TNXB: variants seen among roughly 807,000 people sequenced by gnomAD.
TNXB encodes tenascin-X.
In TNXB, 183 loss-of-function variants were observed where a neutral mutation model predicts 340.5. The ratio of observed to expected loss-of-function variants is 0.54; its 90% confidence interval spans 0.48 to 0.61. The LOEUF (loss-of-function observed/expected upper bound fraction) is 0.61. TNXB is among the 20% of genes least tolerant of loss of function. TNXB has a pLI of 0.00. For missense variants in TNXB, 4,613 were observed against 5,446.4 expected (o/e 0.85, Z 4.82); for synonymous variants, 2,121 against 2,314.5 (o/e 0.92, Z 2.40).
chr6:32,072,330 A>T lies in TNXB; in HGVS notation c.4682-32T>A. ...TTTGGGAAGACAAAGAACATGGTTG[A>T]GATCTCTGAGGGGAGAACCCCTGGG... On this transcript the variant is annotated intron_variant, in intron 12 of 43. Transcript: ENST00000644971. This position sits in a 1 kb window ranked among gnomAD's most constrained non-coding sequence, Gnocchi z 4.4. 1.3e-6 allele frequency: 2 copies of T among 1,561,376 alleles called. No individual in the cohort carries two copies. Among genetic ancestry groups the T allele is most frequent in the Non-Finnish European group, 1.7e-6 (2 of 1,151,420 alleles).
At chr6:32,104,074 A>G (rs1238784362) in intron 1 of TNXB, among the ~76,000 whole-genome samples, 5 of 152,152 alleles carry the variant, frequency 3.3e-5, no homozygotes, top group African/African-American at 9.7e-5. Context: ...CCAATATGGT[A>G]GCCAGGAGGG....
rs921271106 is a variant in TNXB, at chr6:32,083,170, C to G, written c.3446-844G>C. 6.6e-6 allele frequency among the ~76,000 whole-genome samples: 1 copy of G among 152,122 alleles called. No individual in the cohort carries two copies. Among genetic ancestry groups the G allele is most frequent in the Non-Finnish European group, 1.5e-5 (1 of 68,028 alleles). ...TGTTCCGGAATCTGACAAGTCCAAC[C>G]GCACCCTCCTTCCTGGAGTCCAGAC... On this transcript the variant is annotated intron_variant, in intron 8 of 43. Transcript: ENST00000644971. This position sits in a 1 kb window ranked among gnomAD's most constrained non-coding sequence, Gnocchi z 4.6.
chr6:32,081,456 G>T lies in TNXB; in HGVS notation c.3954C>A (p.Gly1318=). The part of the protein sequence containing the change: ...AGDENEVTVP[G]LDPDRKYKMN... ...TCTTATACTTCCGGTCGGGATCCAG[G>T]CCGGGGACAGTAACCTCATTCTCAT... is the stretch of plus-strand genomic sequence containing the variant. Residue 1318 remains glycine, a synonymous_variant, in exon 10 of 44, where the codon GGC becomes GGA. Coordinates refer to ENST00000644971, the MANE Select transcript of TNXB (RefSeq NM_001365276.2). The surrounding 1 kb of genome is among the most constrained non-coding windows in gnomAD (Gnocchi z 5.1). 1 of 1,590,202 alleles carries T rather than the reference G, an allele frequency of 6.3e-7. No homozygotes were observed. Among genetic ancestry groups the T allele is most frequent in the East Asian group, 2.3e-5 (1 of 43,856 alleles).
In TNXB at chr6:32,096,497, G is replaced by A; in HGVS notation, c.1356C>T (p.Cys452=). ...RGRCENGVCV[C]NAGYSGEDCG... ...AGTCCTCGCCGCTGTAGCCCGCATT[G>A]CAAACACACACGCCGTTCTCGCAGC... is the stretch of plus-strand genomic sequence containing the variant. The change falls in exon 3 of 44, where the codon TGC becomes TGT. Residue 452 remains cysteine, a synonymous_variant. Coordinates refer to ENST00000644971, the MANE Select transcript of TNXB (RefSeq NM_001365276.2). The A allele has an allele frequency of 1.2e-6, 2 of 1,600,866 alleles. No individual in the cohort carries two copies. The highest frequency in any genetic ancestry group is 1.7e-6 in the Non-Finnish European group (2 of 1,179,174).
At chr6:32,076,996 A>G (rs1779117651) in intron 11 of TNXB, among the ~76,000 whole-genome samples, 2 of 152,142 alleles carry the variant, frequency 1.3e-5, no homozygotes, top group South Asian at 2.1e-4. Context: ...AAATAATAAT[A>G]AAATAAAAAA....
chr6:32,079,115 C>T lies in TNXB; in HGVS notation c.4293G>A (p.Glu1431=). The T allele has an allele frequency of 6.2e-7, 1 of 1,613,822 alleles. No individual in the cohort carries two copies. The highest frequency in any genetic ancestry group is 8.5e-7 in the Non-Finnish European group (1 of 1,179,892). Residue 1431 remains glutamate (E), a synonymous_variant, in exon 11 of 44, where the codon GAG becomes GAA. Coordinates refer to ENST00000644971, the MANE Select transcript of TNXB (RefSeq NM_001365276.2). The surrounding 1 kb of genome is among the most constrained non-coding windows in gnomAD (Gnocchi z 7.1). ...KESEVTVGGL[E]PGHKYKMHLY... The stretch of plus-strand genomic sequence containing the variant: ...GGTGCATCTTGTACTTGTGCCCGGG[C>T]TCTAGGCCTCCCACGGTGACCTCAC...
rs371442612 is a variant in TNXB at position 32,053,626 on chromosome 6, G to A, written c.8553C>T (p.Thr2851=). Residue 2851 remains threonine, a synonymous_variant, in exon 25 of 44, where the codon ACC becomes ACT. Coordinates refer to ENST00000644971, the MANE Select transcript of TNXB (RefSeq NM_001365276.2). ...PPNKPRLGEL[T]VTDATPDSLS... is the part of the protein sequence containing the mutation. ...GGGAGTCAGGGGTGGCATCTGTCAC[G>A]GTCAGCTCCCCGAGGCGAGGCTTGT... 3.5e-5 allele frequency: 56 copies of A among 1,613,358 alleles called. No individual in the cohort carries two copies. Among genetic ancestry groups the A allele is most frequent in the Non-Finnish European group, 4.6e-5 (54 of 1,179,844 alleles).
chr6:32,060,953 T>C (rs540478248), intron 21 of TNXB, among the ~76,000 whole-genome samples: 2 of 152,134 alleles, frequency 1.3e-5, no homozygotes, highest in South Asian at 4.1e-4. Flanking sequence ...CTCTCTTTTT[T>C]CAATGTAACA....
In TNXB at chr6:32,058,006, G is replaced by T; in HGVS notation, c.7825+52C>A. On this transcript the variant is annotated intron_variant, in intron 22 of 43. Coordinates refer to ENST00000644971, the MANE Select transcript of TNXB (RefSeq NM_001365276.2). The surrounding 1 kb of genome is among the most constrained non-coding windows in gnomAD (Gnocchi z 5.1). ...TATGTATAGGAAAATGGTAGAGAAGGGCACATTTTCTAGGGCTGTCTTCCA... is the reference window on the plus strand; with the variant it reads ...TATGTATAGGAAAATGGTAGAGAAGTGCACATTTTCTAGGGCTGTCTTCCA... 1.3e-6 allele frequency: 2 copies of T among 1,543,654 alleles called. No homozygotes were observed. Among genetic ancestry groups the T allele is most frequent in the South Asian group, 1.2e-5 (1 of 83,482 alleles).
intron 21 of TNXB, among the ~76,000 whole-genome samples, chr6:32,060,127 G>A (rs553094107): frequency 5.9e-5 from 9 of 152,040 alleles, no homozygotes; most frequent in Admixed American, 1.3e-4. Flanking sequence ...CTGAGGTCAG[G>A]AGTTTGAGCA....
chr6:32,056,893 G>T lies in TNXB; in HGVS notation c.7836C>A (p.Ala2612=), dbSNP rs202137866. The change falls in exon 23 of 44, where the codon GCC becomes GCA. Residue 2612 remains alanine (A), a synonymous_variant. Coordinates refer to ENST00000644971, the MANE Select transcript of TNXB (RefSeq NM_001365276.2). The stretch of plus-strand genomic sequence containing the variant: ...TGGTAGGCACTGCTTGGGTGGTCTC[G>T]GCTTCATCCTCTGGAGTTGGACAGA... ...VSAVGVTEDE[A]ETTQAVPTMT... The T allele has an allele frequency of 1.9e-5, 30 of 1,611,040 alleles. No homozygotes were observed. The highest frequency in any genetic ancestry group is 2.5e-5 in the Non-Finnish European group (30 of 1,178,480).
In TNXB at chr6:32,079,021, C is replaced by A; in HGVS notation, c.4375+12G>T. On this transcript the variant is annotated intron_variant, in intron 11 of 43. Coordinates refer to ENST00000644971, the MANE Select transcript of TNXB (RefSeq NM_001365276.2). The surrounding 1 kb of genome is among the most constrained non-coding windows in gnomAD (Gnocchi z 7.1). ...GGGAGGGAACCAAAGCAGGCCCCTGCCCCTCACTCACCTGTCACGCCCACG... is the reference window on the plus strand; with the variant it reads ...GGGAGGGAACCAAAGCAGGCCCCTGACCCTCACTCACCTGTCACGCCCACG... 3.7e-6 allele frequency: 6 copies of A among 1,608,098 alleles called. No homozygotes were observed. The highest frequency in any genetic ancestry group is 5.1e-6 in the Non-Finnish European group (6 of 1,177,600).
chr6:32,058,028 T>TTCCCCCCCCC lies in TNXB; in HGVS notation c.7825+29_7825+30insGGGGGGGGGA. ...AAGGGCACATTTTCTAGGGCTGTCTTCCAACCCTGCCCCACCCACACTCAC... is the reference window on the plus strand; with the variant it reads ...AAGGGCACATTTTCTAGGGCTGTCTTTCCCCCCCCCCCAACCCTGCCCCACCCACACTCAC... On this transcript the variant is annotated intron_variant, in intron 22 of 43. Transcript: ENST00000644971. The surrounding 1 kb of genome is among the most constrained non-coding windows in gnomAD (Gnocchi z 5.1). The TTCCCCCCCCC allele has an allele frequency of 6.3e-7, 1 of 1,577,138 alleles. No individual in the cohort carries two copies. The highest frequency in any genetic ancestry group is 8.6e-7 in the Non-Finnish European group (1 of 1,162,952).
Position 32,061,611 on chromosome 6 carries a change from C to T in TNXB, c.7278G>A (p.Ser2426=), listed in dbSNP as rs370586724. Residue 2426 remains serine (S), a synonymous_variant, in exon 21 of 44, where the codon TCG becomes TCA. Transcript: ENST00000644971. This position sits in a 1 kb window ranked among gnomAD's most constrained non-coding sequence, Gnocchi z 4.4. ...ELTVTGSSPD[S]LSLSWTVPQG... is the part of the protein sequence containing the mutation. ...GGGGGACGGTCCAGGAGAGGCTCAG[C>T]GAGTCAGGGGAGGATCCTGTCACTG... The T allele has an allele frequency of 8.1e-6, 13 of 1,612,818 alleles. No homozygotes were observed. Among genetic ancestry groups the T allele is most frequent in the East Asian group, 6.7e-5 (3 of 44,882 alleles).
intron 4 of TNXB, chr6:32,093,267 G>A (rs1323364481): frequency 3.0e-6 from 2 of 671,122 alleles, no homozygotes; most frequent in Non-Finnish European, 5.5e-6. Flanking sequence ...GGAGCAGCCA[G>A]GAATTGTTTT....
At chr6:32,100,219 C>T (rs1210042697) in intron 1 of TNXB, among the ~76,000 whole-genome samples, 1 of 151,982 alleles carries the variant, frequency 6.6e-6, no homozygotes, top group Non-Finnish European at 1.5e-5. Context: ...ATTCTCCTAC[C>T]TCAGCCTCCT....
chr6:32,048,631 C>T lies in TNXB; in HGVS notation c.9777G>A (p.Leu3259=), dbSNP rs1241006337. The change falls in exon 29 of 44, where the codon CTG becomes CTA. Residue 3259 remains leucine, a synonymous_variant. Coordinates refer to ENST00000644971, the MANE Select transcript of TNXB (RefSeq NM_001365276.2). ...VGITAPLPTP[L]PVEPRLGELA... Reference sequence around the variant, plus strand: ...GCTCCCCCAGGCGGGGCTCCACCGGCAGTGGTGTGGGCAGGGGCGCTGAAA... The same window carrying T: ...GCTCCCCCAGGCGGGGCTCCACCGGTAGTGGTGTGGGCAGGGGCGCTGAAA... The T allele has an allele frequency of 7.3e-6, 11 of 1,507,190 alleles. No homozygotes were observed. The highest frequency in any genetic ancestry group is 1.4e-5 in the South Asian group (1 of 73,574). The allele number at this position is 1,507,190 out of a possible 1,614,324, so 93.4% of individuals were successfully genotyped here. A position where few individuals can be genotyped will look rare whatever the true frequency, so the allele number is the denominator to read the frequency against.
At chr6:32,043,919 C>G in intron 34 of TNXB, 27 bp from the exon 35 acceptor site, 1 of 1,613,112 alleles carries the variant, frequency 6.2e-7, no homozygotes, top group Non-Finnish European at 8.5e-7. Flanking sequence ...TCGAGGGTTA[C>G]CCAGGGAACC....
chr6:32,086,620 T>A (rs1222274260), intron 6 of TNXB, among the ~76,000 whole-genome samples: 2 of 152,062 alleles, frequency 1.3e-5, no homozygotes, highest in Non-Finnish European at 2.9e-5. Flanking sequence ...TCCACCACCC[T>A]CCCCACAGCA....
Sources: allele counts gnomAD v4.1 joint callset (sites outside exome capture counted in the v4.1 genomes callset), GRCh38; gene constraint gnomAD v4.1.1; non-coding constraint Gnocchi (gnomAD v3.1); transcripts MANE v1.5; gene names NCBI Gene and HGNC (gene_info 2026-07-23, HGNC 2026-07-21).